BTBD2: variants seen among roughly 807,000 people sequenced by gnomAD.
BTBD2 encodes BTB/POZ domain-containing protein 2.
BTBD2 carries 15 observed loss-of-function variants against 44.0 expected under a neutral mutation model. The observed-to-expected ratio is 0.34, with a 90% CI of 0.23 to 0.53. BTBD2 has a LOEUF of 0.53. BTBD2 is among the 20% of genes least tolerant of loss of function. BTBD2 has a pLI of 0.95. For missense variants in BTBD2, 657 were observed against 746.4 expected (o/e 0.88, Z 1.39); for synonymous variants, 443 against 335.9 (o/e 1.32, Z -3.49).
rs34212476 is a variant in BTBD2, at chr19:1,998,769, A to AG, written c.408-1307dup. ...AGGGGGCTGAGAGCACACACAGCAT[A>AG]GGGGGGTCACAGACACTCAGCAGGG... is the stretch of plus-strand genomic sequence containing the variant. On this transcript the variant is annotated intron_variant, in intron 1 of 8. Transcript: ENST00000255608. Among the ~76,000 whole-genome samples, 30 of 152,222 alleles carry AG rather than the reference A, an allele frequency of 2.0e-4. No homozygotes were observed. The South Asian group carries it at 2.3e-3, about 12-fold the overall frequency.
rs1018366840 is a variant in BTBD2 at position 1,987,709 on chromosome 19, G to T, written c.989-17C>A. The stretch of plus-strand genomic sequence containing the variant: ...GTGCGGGACCTGCAGCACAGGGAGG[G>T]TGTGGGGGAGGGCCGGGCTGCACCC... On this transcript the variant is annotated splice_polypyrimidine_tract_variant and intron_variant, in intron 5 of 8. Transcript: ENST00000255608. The T allele has an allele frequency of 3.8e-6, 6 of 1,573,204 alleles. No individual in the cohort carries two copies. Among genetic ancestry groups the T allele is most frequent in the African/African-American group, 1.3e-5 (1 of 74,422 alleles).
intron 1 of BTBD2, among the ~76,000 whole-genome samples, chr19:2,001,831 G>A (rs1048803730): frequency 2.2e-4 from 33 of 152,104 alleles, no homozygotes; most frequent in Admixed American, 3.9e-4. Context: ...TCCGCCTCCC[G>A]AGTTCCAGTG....
Position 1,997,460 on chromosome 19 carries a change from G to C in BTBD2, c.411C>G (p.Phe137Leu). The C allele has an allele frequency of 6.2e-7, 1 of 1,614,030 alleles. No individual in the cohort carries two copies. Residue 137 changes from phenylalanine (F) to leucine (L), a missense_variant, in exon 2 of 9, where the codon TTC becomes TTG. Transcript: ENST00000255608. ...AGACGGCGCTGCCCACGGCCAGCAC[G>C]AACCTGGTACGGGAGAGAGAAGGCC... ...LSSQRIPAHR[F>L]VLAVGSAVFD... is the part of the protein sequence containing the mutation.
chr19:1,986,859 C>T lies in BTBD2; in HGVS notation c.1387G>A (p.Val463Ile), dbSNP rs754489664. 2.4e-5 allele frequency: 39 copies of T among 1,611,684 alleles called. No individual in the cohort carries two copies. The highest frequency in any genetic ancestry group is 2.4e-4 in the South Asian group (22 of 90,948). ...AGCGTGGCACAGGCCGTGTAGTTGA[C>T]GTTGGGCAGCACCTCCACCGGCTCC... ...FKEPVEVLPN[V>I]NYTACATLKG... Residue 463 changes from valine to isoleucine, a missense_variant, in exon 8 of 9, where the codon GTC becomes ATC. Physicochemically the swap from Val to Ile is conservative, Grantham distance 29. Transcript: ENST00000255608.
intron 1 of BTBD2, among the ~76,000 whole-genome samples, chr19:2,014,954 A>G (rs1232734628): frequency 6.7e-6 from 1 of 149,768 alleles, no homozygotes. Context: ...GTGCAGAGGC[A>G]GGGACAGAGG....
intron 1 of BTBD2, among the ~76,000 whole-genome samples, chr19:2,012,233 A>T (rs1294441975): frequency 6.8e-6 from 1 of 147,430 alleles, no homozygotes; most frequent in Non-Finnish European, 1.5e-5. Context: ...GTTCCCTGCA[A>T]CCTCCACCTC....
rs1169648898 is a variant in BTBD2, at chr19:1,986,170, C to G, written c.*318G>C. 2.6e-6 allele frequency: 1 copy of G among 380,214 alleles called. No homozygotes were observed. Among genetic ancestry groups the G allele is most frequent in the African/African-American group, 2.0e-5 (1 of 48,820 alleles). 23.6% of individuals were successfully genotyped at this position (380,214 alleles called of 1,614,324 possible). On this transcript the variant is annotated 3_prime_UTR_variant, in exon 9 of 9. Transcript: ENST00000255608. Reference sequence around the variant, plus strand: ...CCCGCGGCGCACCGCCGGCAGACGACGTGGGCAGGCGCCCTGAGCTGCGGG... The same window carrying G: ...CCCGCGGCGCACCGCCGGCAGACGAGGTGGGCAGGCGCCCTGAGCTGCGGG...
chr19:1,994,223 C>G (rs1394073973), intron 2 of BTBD2, among the ~76,000 whole-genome samples: 3 of 147,720 alleles, frequency 2.0e-5, no homozygotes, highest in African/African-American at 7.5e-5. Context: ...GGCTGAGGCA[C>G]AAGAATCGCT....
intron 1 of BTBD2, among the ~76,000 whole-genome samples, chr19:2,015,036 G>C (rs914893845): frequency 6.6e-6 from 1 of 151,052 alleles, no homozygotes; most frequent in Non-Finnish European, 1.5e-5. Flanking sequence ...AGGCCGGGTC[G>C]GTTTCAGGAC....
At chr19:2,007,985 T>C (rs1435627084) in intron 1 of BTBD2, among the ~76,000 whole-genome samples, 1 of 151,742 alleles carries the variant, frequency 6.6e-6, no homozygotes, top group Non-Finnish European at 1.5e-5. Context: ...GAGTAATAAA[T>C]GTGTCAGACC....
chr19:2,014,230 G>A (rs772728341), intron 1 of BTBD2: 43 of 152,454 alleles, frequency 2.8e-4, no homozygotes, highest in African/African-American at 5.6e-4. Flanking sequence ...GGAGAGGGGC[G>A]GCAGGCAAGG....
At chr19:1,989,835 A>T (rs1349597250) in intron 5 of BTBD2, 169 bp downstream of exon 5, 2 of 724,376 alleles carry the variant, frequency 2.8e-6, no homozygotes, top group Non-Finnish European at 4.5e-6. Context: ...CGGGGCTAAC[A>T]GATGGCCCTG....
chr19:2,008,741 A>C (rs9917119), intron 1 of BTBD2, among the ~76,000 whole-genome samples: 1 of 150,886 alleles, frequency 6.6e-6, no homozygotes, highest in Admixed American at 6.6e-5. Context: ...ACAGGCACAC[A>C]CCACCATGTC....
chr19:1,990,653 A>G, intron 4 of BTBD2, 64 bp downstream of exon 4: 4 of 1,440,692 alleles, frequency 2.8e-6, no homozygotes, highest in Non-Finnish European at 3.8e-6. Flanking sequence ...TCCCACTGTC[A>G]ATCCCCGGAC....
Position 1,986,413 on chromosome 19 carries a change from G to A in BTBD2, c.*75C>T, listed in dbSNP as rs2016081939. ...CTGGGCCTGGCACCGCGTGGTGGGG[G>A]GGCCCCAGCAGCAGATGATGGCCTG... On this transcript the variant is annotated 3_prime_UTR_variant, in exon 9 of 9. Coordinates refer to ENST00000255608, the MANE Select transcript of BTBD2 (RefSeq NM_017797.4). 2 of 1,574,702 alleles carry A rather than the reference G, an allele frequency of 1.3e-6. No homozygotes were observed. The highest frequency in any genetic ancestry group is 1.7e-6 in the Non-Finnish European group (2 of 1,152,334).
intron 1 of BTBD2, among the ~76,000 whole-genome samples, chr19:1,999,196 C>G (rs62129512): frequency 0.47 from 71,449 of 151,538 alleles, 17,554 homozygotes; most frequent in African/African-American, 0.6. Context: ...GACTGCACCC[C>G]AGAGTCAGGT....
intron 1 of BTBD2, among the ~76,000 whole-genome samples, chr19:2,000,661 G>A (rs1488454063): frequency 6.6e-6 from 1 of 151,952 alleles, no homozygotes; most frequent in Admixed American, 6.6e-5. Flanking sequence ...CCCACTCCCG[G>A]CTGTTCCCCC....
At chr19:2,008,637 G>A (rs1360861637) in intron 1 of BTBD2, among the ~76,000 whole-genome samples, 1 of 147,824 alleles carries the variant, frequency 6.8e-6, no homozygotes, top group Non-Finnish European at 1.5e-5. Context: ...TATCGCCCAG[G>A]ATGGAGTGCA....
chr19:2,010,309 C>A (rs1452102614), intron 1 of BTBD2, among the ~76,000 whole-genome samples: 3 of 152,208 alleles, frequency 2.0e-5, no homozygotes, highest in Non-Finnish European at 4.4e-5. Flanking sequence ...ACAATCACTG[C>A]GTGCCTACTG....
Sources: allele counts gnomAD v4.1 joint callset (sites outside exome capture counted in the v4.1 genomes callset), GRCh38; gene constraint gnomAD v4.1.1; transcripts MANE v1.5; gene names NCBI Gene and HGNC (gene_info 2026-07-23, HGNC 2026-07-21).